Variants in CNTN5 observed in about 807,000 individuals in gnomAD.
CNTN5 encodes the protein contactin 5, also known as contactin-5.
CNTN5 carries 77 observed loss-of-function variants against 129.1 expected under a neutral mutation model. The observed-to-expected ratio is 0.60, with a 90% CI of 0.50 to 0.72. CNTN5 has a LOEUF of 0.72. Ranked by LOEUF, CNTN5 falls within the 30% of genes least tolerant of loss-of-function variation. CNTN5 has a pLI of 0.00. For synonymous variants in CNTN5, 509 were observed against 465.6 expected (o/e 1.09, Z -1.20); for missense variants, 1,478 against 1,328.8 (o/e 1.11, Z -1.75).
intron 3 of CNTN5, among the ~76,000 whole-genome samples, chr11:99,628,776 G>A (rs669596): frequency 6.6e-6 from 1 of 151,382 alleles, no homozygotes; most frequent in Non-Finnish European, 1.5e-5. Flanking sequence ...ACTTCTGTTT[G>A]ATTTTTTTCC....
chr11:100,041,659 G>C (rs903216918), intron 9 of CNTN5, among the ~76,000 whole-genome samples: 1 of 152,168 alleles, frequency 6.6e-6, no homozygotes, highest in African/African-American at 2.4e-5. Flanking sequence ...ATTGCCTATA[G>C]TTGGGACATA....
chr11:100,195,992 G>A lies in CNTN5; in HGVS notation c.1884+2329G>A, dbSNP rs1399297105. Among the ~76,000 whole-genome samples, 3 of 152,042 alleles carry A rather than the reference G, an allele frequency of 2.0e-5. No homozygotes were observed. The East Asian group carries it at 5.8e-4, about 29-fold the overall frequency. ...GATACCTTCTTTCTGTGAGACCAAG[G>A]ACAGACTGTGGGAGTCAGAGGGACA... On this transcript the variant is annotated intron_variant, in intron 15 of 24. Transcript: ENST00000524871.
intron 6 of CNTN5, among the ~76,000 whole-genome samples, chr11:99,867,076 A>G (rs961075793): frequency 2.0e-5 from 3 of 152,172 alleles, no homozygotes; most frequent in African/African-American, 7.2e-5. Flanking sequence ...TTAGAAGTAA[A>G]CCTGGAATTC....
intron 4 of CNTN5, among the ~76,000 whole-genome samples, chr11:99,820,022 C>T (rs1285794292): frequency 2.6e-5 from 4 of 152,086 alleles, no homozygotes; most frequent in Non-Finnish European, 5.9e-5. Flanking sequence ...AGGCTACTAC[C>T]TTTTCATAGA....
At chr11:100,278,635 G>A (rs571434996) in intron 18 of CNTN5, among the ~76,000 whole-genome samples, 1 of 151,968 alleles carries the variant, frequency 6.6e-6, no homozygotes, top group Non-Finnish European at 1.5e-5. Context: ...AAATGCTACT[G>A]ATTTTTGTAT....
At chr11:100,158,757 C>A (rs1947341195) in intron 13 of CNTN5, among the ~76,000 whole-genome samples, 1 of 151,808 alleles carries the variant, frequency 6.6e-6, no homozygotes, top group African/African-American at 2.4e-5. Context: ...ATTTTCATGA[C>A]CACTCCAGAG....
At chr11:100,266,209 A>T (rs1281368940) in intron 17 of CNTN5, among the ~76,000 whole-genome samples, 1 of 152,094 alleles carries the variant, frequency 6.6e-6, no homozygotes, top group Non-Finnish European at 1.5e-5. Flanking sequence ...CCTGGACAAC[A>T]GAAGGAGATC....
intron 13 of CNTN5, among the ~76,000 whole-genome samples, chr11:100,149,918 GA>G (rs146132545): frequency 1.4e-4 from 20 of 144,366 alleles, no homozygotes; most frequent in Middle Eastern, 3.5e-3. Flanking sequence ...GAAAAGAAAA[GA>G]AAAAAAAAAT....
intron 11 of CNTN5, 143 bp from the exon 12 acceptor site, chr11:100,071,561 CA>C (rs1157337634): frequency 4.6e-6 from 2 of 437,208 alleles, no homozygotes; most frequent in African/African-American, 4.1e-5. Context: ...AAATAATGAA[CA>C]GTACATTTAC....
chr11:99,877,501 G>C (rs557850920), intron 6 of CNTN5, among the ~76,000 whole-genome samples: 3 of 152,102 alleles, frequency 2.0e-5, no homozygotes, highest in African/African-American at 7.2e-5. Context: ...TCTTTCTATG[G>C]ATCCCACAGC....
intron 13 of CNTN5, among the ~76,000 whole-genome samples, chr11:100,122,273 G>A (rs1268951079): frequency 6.6e-6 from 1 of 152,028 alleles, no homozygotes; most frequent in Non-Finnish European, 1.5e-5. Context: ...AGAATCTGAT[G>A]TCCAAGGACA....
At chr11:99,359,284 A>G (rs528808064) in intron 2 of CNTN5, among the ~76,000 whole-genome samples, 2 of 152,268 alleles carry the variant, frequency 1.3e-5, no homozygotes, top group African/African-American at 2.4e-5. Flanking sequence ...TCTATGGTGG[A>G]ATGGGTGAAA....
intron 3 of CNTN5, among the ~76,000 whole-genome samples, chr11:99,787,456 A>G (rs1412141750): frequency 6.6e-6 from 1 of 151,478 alleles, no homozygotes; most frequent in Non-Finnish European, 1.5e-5. Context: ...TTTAGCAGTG[A>G]GAATGTATTT....
At chr11:100,287,728 T>C (rs1289848815) in intron 18 of CNTN5, among the ~76,000 whole-genome samples, 1 of 152,080 alleles carries the variant, frequency 6.6e-6, no homozygotes, top group Non-Finnish European at 1.5e-5. Flanking sequence ...GCTAACATCA[T>C]AATGACAGGA....
chr11:99,492,848 T>G (rs12807618), intron 2 of CNTN5, among the ~76,000 whole-genome samples: 5 of 152,238 alleles, frequency 3.3e-5, no homozygotes, highest in African/African-American at 1.2e-4. Context: ...GGTCTAATGG[T>G]AATAAAATGA....
intron 13 of CNTN5, among the ~76,000 whole-genome samples, chr11:100,077,756 T>C (rs1944191954): frequency 6.6e-6 from 1 of 152,020 alleles, no homozygotes; most frequent in Non-Finnish European, 1.5e-5. Flanking sequence ...GGTGGGAGGA[T>C]GGGTTGAGCC....
At chr11:99,594,750 G>A (rs992351035) in intron 3 of CNTN5, among the ~76,000 whole-genome samples, 2 of 152,192 alleles carry the variant, frequency 1.3e-5, no homozygotes, top group Non-Finnish European at 2.9e-5. Flanking sequence ...CTTTAGATCA[G>A]TACAACCCTG....
At chr11:99,696,370 G>A (rs1224205680) in intron 3 of CNTN5, among the ~76,000 whole-genome samples, 1 of 151,782 alleles carries the variant, frequency 6.6e-6, no homozygotes, top group African/African-American at 2.4e-5. Flanking sequence ...TGTCATTTTT[G>A]TTTGACAGAG....
chr11:99,766,167 G>A (rs962694143), intron 3 of CNTN5, among the ~76,000 whole-genome samples: 6 of 151,888 alleles, frequency 4.0e-5, no homozygotes, highest in South Asian at 2.1e-4. Context: ...GCTATACATC[G>A]TATGATAAAC....
Sources: allele counts gnomAD v4.1 joint callset (sites outside exome capture counted in the v4.1 genomes callset), GRCh38; gene constraint gnomAD v4.1.1; transcripts MANE v1.5; gene names NCBI Gene and HGNC (gene_info 2026-07-23, HGNC 2026-07-21).